The following THSD4 variants were observed in gnomAD, a reference collection of about 807,000 sequenced individuals.
The protein encoded by THSD4 is thrombospondin type-1 domain-containing protein 4.
In THSD4, 69 loss-of-function variants were observed where a neutral mutation model predicts 119.0. The observed-to-expected ratio is 0.58, with a 90% CI of 0.48 to 0.71. The LOEUF is 0.71. Ranked by LOEUF, THSD4 falls within the 30% of genes least tolerant of loss-of-function variation. THSD4 has a pLI of 0.00. For missense variants in THSD4, 1,393 were observed against 1,391.1 expected, an observed-to-expected ratio of 1.00 and a Z score of -0.02; for synonymous variants, 524 against 540.4, an observed-to-expected ratio of 0.97 and a Z score of 0.42.
In THSD4 at chr15:71,663,619, C is replaced by T. The variant is rs151104416; in HGVS notation, c.1357+2885C>T. Among the ~76,000 whole-genome samples the T allele has an allele frequency of 4.9e-4, 75 of 152,294 alleles. No homozygotes were observed. The East Asian group carries it at 0.014, about 29-fold the overall frequency. ...CTCTTTACCAAACCCACTATTCCTG[C>T]TCTGTGAAGTCTGTATATTTTAAAA... On this transcript the variant is annotated intron_variant, in intron 8 of 17. Coordinates refer to ENST00000261862, the MANE Select transcript of THSD4 (RefSeq NM_024817.3).
At chr15:71,111,693 G>A (rs2040306305), upstream of THSD4, 1 of 536,976 alleles carries the variant, frequency 1.9e-6, no homozygotes, top group East Asian at 3.1e-5. Context: ...TTCAGAGCTT[G>A]AAATTAGGGG....
chr15:71,111,794 T>C, upstream of THSD4: 1 of 521,594 alleles, frequency 1.9e-6, no homozygotes, highest in East Asian at 3.1e-5. Context: ...GACACAATTC[T>C]CTGAAGCACA....
intron 7 of THSD4, among the ~76,000 whole-genome samples, chr15:71,492,641 A>G (rs2047939195): frequency 6.6e-6 from 1 of 152,184 alleles, no homozygotes; most frequent in Non-Finnish European, 1.5e-5. Flanking sequence ...TGGCTTCACC[A>G]ACTCCATGAG....
chr15:71,426,704 T>C (rs532121821), intron 7 of THSD4, among the ~76,000 whole-genome samples: 1 of 152,196 alleles, frequency 6.6e-6, no homozygotes, highest in African/African-American at 2.4e-5. Context: ...TTGTGGACTC[T>C]CTCTCTTATA....
intron 7 of THSD4, among the ~76,000 whole-genome samples, chr15:71,613,520 C>G (rs2050267688): frequency 6.6e-6 from 1 of 152,146 alleles, no homozygotes; most frequent in Non-Finnish European, 1.5e-5. Flanking sequence ...ACATATGGAG[C>G]CACATATATA....
intron 8 of THSD4, among the ~76,000 whole-genome samples, chr15:71,723,047 G>T (rs1049660980): frequency 6.7e-6 from 1 of 148,918 alleles, no homozygotes; most frequent in African/African-American, 2.5e-5. Flanking sequence ...CTTAAGCAAC[G>T]TTCTATGGAT....
intron 7 of THSD4, among the ~76,000 whole-genome samples, chr15:71,453,915 CT>C (rs2047301135): frequency 6.6e-6 from 1 of 152,142 alleles, no homozygotes; most frequent in Non-Finnish European, 1.5e-5. Flanking sequence ...GGGGCATGCT[CT>C]TTAGAGTGAA....
At chr15:71,463,771 T>C (rs374544377) in intron 7 of THSD4, among the ~76,000 whole-genome samples, 1 of 152,178 alleles carries the variant, frequency 6.6e-6, no homozygotes. Flanking sequence ...TCCAATCTCT[T>C]AACTCCTCCT....
chr15:71,155,261 C>T (rs2040765353), intron 3 of THSD4, among the ~76,000 whole-genome samples: 1 of 152,120 alleles, frequency 6.6e-6, no homozygotes, highest in African/African-American at 2.4e-5. Flanking sequence ...CTTCACATGG[C>T]TGGAGAAGAA....
At chr15:71,732,074 C>T (rs2052990062) in intron 10 of THSD4, 1 of 152,356 alleles carries the variant, frequency 6.6e-6, no homozygotes, top group South Asian at 2.1e-4. Flanking sequence ...TCTCTCTTTC[C>T]TTTATAAGGA....
At chr15:71,634,829 G>A (rs1370348519) in intron 7 of THSD4, among the ~76,000 whole-genome samples, 2 of 152,216 alleles carry the variant, frequency 1.3e-5, no homozygotes, top group African/African-American at 2.4e-5. Flanking sequence ...TGGACACCCA[G>A]TCTTATTAGA....
chr15:71,372,506 C>G (rs1278862658), intron 6 of THSD4, among the ~76,000 whole-genome samples: 1 of 152,214 alleles, frequency 6.6e-6, no homozygotes, highest in Non-Finnish European at 1.5e-5. Context: ...CAGTCAGTAC[C>G]CTCAGCTGCA....
At position 71,233,895 on chromosome 15, in the gene THSD4, CCT is replaced by C. The variant is rs1276219052; in HGVS notation, c.465-8746_465-8745del. ...ATGTTCAGCTCAGTTAGGACTCTCT[CCT>C]CTCTCTCCTCCCCTCTTCCCAGGAG... On this transcript the variant is annotated intron_variant, in intron 4 of 17. Coordinates refer to ENST00000261862, the MANE Select transcript of THSD4 (RefSeq NM_024817.3). Among the ~76,000 whole-genome samples, 4 of 152,294 alleles carry C rather than the reference CCT, an allele frequency of 2.6e-5. No homozygotes were observed. The East Asian group carries it at 5.8e-4, about 22-fold the overall frequency.
At chr15:71,117,179 C>G (rs1455174107) in intron 1 of THSD4, among the ~76,000 whole-genome samples, 1 of 152,158 alleles carries the variant, frequency 6.6e-6, no homozygotes, top group African/African-American at 2.4e-5. Context: ...CTCATGTGAT[C>G]TCCTCTGTGC....
chr15:71,146,402 A>C (rs1034944978), intron 2 of THSD4, among the ~76,000 whole-genome samples: 2 of 150,796 alleles, frequency 1.3e-5, no homozygotes, highest in African/African-American at 2.4e-5. Context: ...TTTTGCCCCT[A>C]ATCATTTGCA....
At chr15:71,726,601 G>A (rs1037473423) in intron 8 of THSD4, among the ~76,000 whole-genome samples, 1 of 152,132 alleles carries the variant, frequency 6.6e-6, no homozygotes, top group Non-Finnish European at 1.5e-5. Context: ...AAGGTGCAAA[G>A]AGCCAGTGGC....
At chr15:71,711,077 A>G (rs1438754024) in intron 8 of THSD4, among the ~76,000 whole-genome samples, 1 of 103,664 alleles carries the variant, frequency 9.6e-6, no homozygotes, top group Non-Finnish European at 2.4e-5. Flanking sequence ...AGCAAAATAT[A>G]TATATGTATA....
chr15:71,615,930 C>G (rs2050311676), intron 7 of THSD4, among the ~76,000 whole-genome samples: 2 of 152,328 alleles, frequency 1.3e-5, no homozygotes, highest in South Asian at 4.1e-4. Context: ...CTGTAACCTT[C>G]TGTGCATTCA....
At position 71,731,446 on chromosome 15, in the gene THSD4, C is replaced by T. The variant is rs1402971966; in HGVS notation, c.1630+229C>T. The T allele has an allele frequency of 1.7e-5, 9 of 531,636 alleles. No individual in the cohort carries two copies. The Admixed American group carries it at 2.8e-4, about 17-fold the overall frequency. The allele number at this position is 531,636 out of a possible 1,614,324, so 32.9% of individuals were successfully genotyped here. A position where few individuals can be genotyped will look rare whatever the true frequency, so the allele number is the denominator to read the frequency against. On this transcript the variant is annotated intron_variant, in intron 10 of 17. Coordinates refer to ENST00000261862, the MANE Select transcript of THSD4 (RefSeq NM_024817.3). ...TCGATTCCAAAATGGCATGAGCATC[C>T]TGGGTCTGCCCTGCCAGTTCAACAT...
Sources: gnomAD v4.1 joint callset for allele counts (sites outside exome capture counted in the v4.1 genomes callset) on GRCh38, gnomAD v4.1.1 for gene constraint, MANE v1.5 for transcripts, NCBI Gene and HGNC (gene_info 2026-07-23, HGNC 2026-07-21) for gene names.